Variants in ARHGAP10 observed in about 807,000 individuals in gnomAD.
The protein encoded by ARHGAP10 is Rho GTPase activating protein 10.
ARHGAP10 carries 87 observed loss-of-function variants against 108.6 expected under a neutral mutation model. The ratio of observed to expected loss-of-function variants is 0.80; its 90% CI spans 0.67 to 0.96. ARHGAP10 has a LOEUF of 0.96. ARHGAP10 is among the 40% of genes least tolerant of loss of function. The probability of loss-of-function intolerance (pLI) is 0.00; values close to 1 mark genes in which losing one functional copy is unlikely to be tolerated. For synonymous variants in ARHGAP10, 347 were observed against 341.1 expected (o/e 1.02, Z -0.19); for missense variants, 939 against 954.5 (o/e 0.98, Z 0.21).
intron 1 of ARHGAP10, among the ~76,000 whole-genome samples, chr4:147,783,120 T>C (rs888579776): frequency 1.4e-5 from 2 of 143,272 alleles, no homozygotes; most frequent in Non-Finnish European, 1.5e-5. Context: ...TTAAATTATA[T>C]ATTATATAAT....
intron 3 of ARHGAP10, among the ~76,000 whole-genome samples, chr4:147,828,457 G>A (rs1384414402): frequency 6.6e-6 from 1 of 152,156 alleles, no homozygotes; most frequent in Admixed American, 6.5e-5. Context: ...CCTGCCACAT[G>A]CCAAGCACTG....
chr4:148,013,499 T>C (rs1399338293), intron 18 of ARHGAP10, among the ~76,000 whole-genome samples: 1 of 152,114 alleles, frequency 6.6e-6, no homozygotes, highest in Non-Finnish European at 1.5e-5. Context: ...CCATCCTGGC[T>C]AACACGGTGA....
intron 1 of ARHGAP10, among the ~76,000 whole-genome samples, chr4:147,812,314 A>G (rs1732064657): frequency 6.6e-6 from 1 of 152,276 alleles, no homozygotes; most frequent in African/African-American, 2.4e-5. Context: ...CTTTGAACAC[A>G]GCTAGTTTTC....
At chr4:147,888,538 CTTATT>C (rs1357977241) in intron 10 of ARHGAP10, among the ~76,000 whole-genome samples, 1 of 152,088 alleles carries the variant, frequency 6.6e-6, no homozygotes, top group African/African-American at 2.4e-5. Flanking sequence ...GTCATACATG[CTTATT>C]TTAAGTCCAA....
intron 1 of ARHGAP10, among the ~76,000 whole-genome samples, chr4:147,777,626 C>A (rs1436830495): frequency 6.6e-6 from 1 of 152,094 alleles, no homozygotes; most frequent in Non-Finnish European, 1.5e-5. Flanking sequence ...TCCTGTCAGA[C>A]GGTCAGATCT....
At chr4:147,815,011 G>A (rs1732182034) in intron 1 of ARHGAP10, among the ~76,000 whole-genome samples, 2 of 152,168 alleles carry the variant, frequency 1.3e-5, no homozygotes, top group Non-Finnish European at 2.9e-5. Context: ...AAGCCAAGAA[G>A]CTTAAAAGAT....
At chr4:147,906,864 C>T (rs1736518554) in intron 11 of ARHGAP10, 145 bp downstream of exon 11, 3 of 939,984 alleles carry the variant, frequency 3.2e-6, no homozygotes, top group Non-Finnish European at 4.9e-6. Flanking sequence ...ATTCAACATT[C>T]TAGTAATTTG....
Position 147,873,889 on chromosome 4 carries a change from A to AGGG in ARHGAP10, c.703-1128_703-1126dup, listed in dbSNP as rs1441684460. 4.4e-4 allele frequency among the ~76,000 whole-genome samples: 65 copies of AGGG among 148,044 alleles called. 1 individual carries two copies. In the South Asian group the frequency reaches 5.1e-3, roughly 12 times the overall value. On this transcript the variant is annotated intron_variant, in intron 7 of 22. Transcript: ENST00000336498. ...GACCCTGTCTTTAAAAAAAAAAAAA[A>AGGG]GGGGGGATAAGAAAACCTGGAGAAA...
intron 21 of ARHGAP10, among the ~76,000 whole-genome samples, 168 bp from the exon 22 acceptor site, chr4:148,064,248 T>G (rs984657386): frequency 6.6e-6 from 1 of 152,024 alleles, no homozygotes; most frequent in African/African-American, 2.4e-5. Flanking sequence ...TACTTGAAAA[T>G]CAAGTACTGT....
intron 3 of ARHGAP10, 139 bp downstream of exon 3, chr4:147,823,096 C>T (rs908945308): frequency 4.4e-5 from 40 of 918,544 alleles, no homozygotes; most frequent in Non-Finnish European, 6.0e-5. Context: ...GATGAGGTTT[C>T]CGGAGCCCTG....
chr4:147,744,788 G>A (rs1728838977), intron 1 of ARHGAP10, among the ~76,000 whole-genome samples: 2 of 152,078 alleles, frequency 1.3e-5, no homozygotes, highest in Non-Finnish European at 2.9e-5. Context: ...TAGTAGCCAG[G>A]AGACATGTTC....
At chr4:147,830,712 G>A (rs1017008751) in intron 3 of ARHGAP10, among the ~76,000 whole-genome samples, 1 of 151,984 alleles carries the variant, frequency 6.6e-6, no homozygotes, top group African/African-American at 2.4e-5. Context: ...TAGAGACGGG[G>A]TTTCACCTTG....
At chr4:148,025,630 GA>G (rs1741737210) in intron 19 of ARHGAP10, among the ~76,000 whole-genome samples, 1 of 151,758 alleles carries the variant, frequency 6.6e-6, no homozygotes, top group South Asian at 2.1e-4. Flanking sequence ...TATTTGAAAG[GA>G]AGCATATAGG....
chr4:147,806,607 G>A (rs1382787622), intron 1 of ARHGAP10, among the ~76,000 whole-genome samples: 1 of 152,068 alleles, frequency 6.6e-6, no homozygotes, highest in Non-Finnish European at 1.5e-5. Flanking sequence ...GAAAATGTTA[G>A]TTAAACTAAA....
At position 147,903,980 on chromosome 4, in the gene ARHGAP10, A is replaced by G. The variant is rs577095821; in HGVS notation, c.1035-2658A>G. Among the ~76,000 whole-genome samples the G allele has an allele frequency of 4.3e-4, 65 of 152,306 alleles. No homozygotes were observed. The South Asian group carries it at 0.012, about 29-fold the overall frequency. ...TTTTCAGTTCCTTTAGGTAACTGCC[A>G]AGGAATGTGATTGCTGTGTCCTACA... On this transcript the variant is annotated intron_variant, in intron 10 of 22. Transcript: ENST00000336498.
intron 22 of ARHGAP10, among the ~76,000 whole-genome samples, chr4:148,070,831 C>T (rs116397122): frequency 0.015 from 2,354 of 152,224 alleles, 56 homozygotes; most frequent in African/African-American, 0.053. Context: ...CACGCCTGCA[C>T]CTGACCATGG....
In ARHGAP10 at chr4:147,924,745, G is replaced by GCCTGTAA. The variant is rs199778485; in HGVS notation, c.1228+11610_1228+11616dup. Among the ~76,000 whole-genome samples, 10 of 145,532 alleles carry GCCTGTAA rather than the reference G, an allele frequency of 6.9e-5. 1 individual carries two copies. The East Asian group carries it at 2.2e-3, about 31-fold the overall frequency. ...CTCAGTTTTACTCCTTATTAACTCT[G>GCCTGTAA]CCTGTAACCTCTCTGTGTCTTTATC... On this transcript the variant is annotated intron_variant, in intron 13 of 22. Transcript: ENST00000336498.
intron 18 of ARHGAP10, among the ~76,000 whole-genome samples, chr4:147,981,452 A>T (rs1276159909): frequency 1.3e-5 from 2 of 152,172 alleles, no homozygotes; most frequent in Non-Finnish European, 2.9e-5. Flanking sequence ...TTTAAAAAGT[A>T]TATTGAGACT....
intron 1 of ARHGAP10, among the ~76,000 whole-genome samples, chr4:147,761,248 C>T (rs1343655729): frequency 6.6e-6 from 1 of 151,992 alleles, no homozygotes; most frequent in Non-Finnish European, 1.5e-5. Context: ...AACTCCTGGC[C>T]CCAAGCAATC....
Sources: allele counts gnomAD v4.1 joint callset (sites outside exome capture counted in the v4.1 genomes callset), GRCh38; gene constraint gnomAD v4.1.1; transcripts MANE v1.5; gene names NCBI Gene and HGNC (gene_info 2026-07-23, HGNC 2026-07-21).